The following FBXW10 variants were observed in gnomAD, a reference collection of about 807,000 sequenced individuals.
FBXW10 encodes the protein F-box and WD repeat domain containing 10, also known as F-box/WD repeat-containing protein 10.
FBXW10 carries 68 observed loss-of-function variants against 113.1 expected under a neutral mutation model. That is an observed-to-expected ratio of 0.60 (90% CI 0.49 to 0.74). The LOEUF (loss-of-function observed/expected upper bound fraction) is 0.74, where lower values mean the gene tolerates loss of function less well. FBXW10 is among the 30% of genes least tolerant of loss of function. The pLI is 0.00. For synonymous variants in FBXW10, 289 were observed against 481.6 expected, an observed-to-expected ratio of 0.60 and a Z score of 5.24; for missense variants, 753 against 1,284.5, an observed-to-expected ratio of 0.59 and a Z score of 6.32.
intron 7 of FBXW10, among the ~76,000 whole-genome samples, chr17:18,759,000 T>C (rs1013798653): frequency 1.3e-5 from 2 of 152,044 alleles, no homozygotes; most frequent in African/African-American, 4.8e-5. Context: ...ACCCCGTCTC[T>C]ACTAAACAAA....
At chr17:18,774,290 T>G (rs192197593) in intron 12 of FBXW10, among the ~76,000 whole-genome samples, 1 of 152,232 alleles carries the variant, frequency 6.6e-6, no homozygotes, top group East Asian at 1.9e-4. Context: ...GGAAAACAGC[T>G]GCGCTATGTG....
At chr17:18,762,718 G>T (rs112397760) in intron 7 of FBXW10, among the ~76,000 whole-genome samples, 13,274 of 152,172 alleles carry the variant, frequency 0.087, 669 homozygotes, top group African/African-American at 0.13. Flanking sequence ...GCAGGCAGTA[G>T]CAGTGAGAGT....
At chr17:18,768,728 G>C in intron 10 of FBXW10, 52 bp downstream of exon 10, 1 of 1,595,048 alleles carries the variant, frequency 6.3e-7, no homozygotes, top group Non-Finnish European at 8.6e-7. Context: ...TCCCTTCCCC[G>C]TCATAGCCTA....
At chr17:18,771,432 T>G (rs8073523) in intron 11 of FBXW10, among the ~76,000 whole-genome samples, 2 of 152,014 alleles carry the variant, frequency 1.3e-5, no homozygotes, top group Admixed American at 1.3e-4. Flanking sequence ...GGCAGTGCTG[T>G]GGGGGCACAG....
intron 7 of FBXW10, among the ~76,000 whole-genome samples, chr17:18,762,489 GT>G (rs1467801263): frequency 6.7e-6 from 1 of 148,910 alleles, no homozygotes; most frequent in Non-Finnish European, 1.5e-5. Context: ...GGCGGCTAAT[GT>G]TTTTTTGTAT....
chr17:18,760,578 C>A (rs1334996505), intron 7 of FBXW10, among the ~76,000 whole-genome samples: 3 of 152,128 alleles, frequency 2.0e-5, no homozygotes, highest in Non-Finnish European at 2.9e-5. Context: ...CTGAGGCAGG[C>A]GGATCATCTG....
intron 2 of FBXW10, among the ~76,000 whole-genome samples, chr17:18,748,825 T>C (rs564843453): frequency 6.6e-6 from 1 of 152,302 alleles, no homozygotes; most frequent in Non-Finnish European, 1.5e-5. Flanking sequence ...ATGGCTATTT[T>C]TGCAGTATTG....
chr17:18,744,117 C>T lies in FBXW10; in HGVS notation c.-128C>T, dbSNP rs1228341317. 2 of 1,489,432 alleles carry T rather than the reference C, an allele frequency of 1.3e-6. No individual in the cohort carries two copies. Among genetic ancestry groups the T allele is most frequent in the Admixed American group, 4.6e-5 (2 of 43,224 alleles). The allele number at this position is 1,489,432 out of a possible 1,614,324, so 92.3% of individuals were successfully genotyped here. ...CATCCATGGCAGCCATTTACTTTTG[C>T]TCTGGGAGACGTTTGTAATAGAAAA... On this transcript the variant is annotated 5_prime_UTR_variant, in exon 1 of 14. Transcript: ENST00000395665.
intron 13 of FBXW10, among the ~76,000 whole-genome samples, chr17:18,776,062 T>C (rs1453123076): frequency 6.6e-6 from 1 of 151,444 alleles, no homozygotes; most frequent in Non-Finnish European, 1.5e-5. Context: ...CTCACACCTG[T>C]AATCCCAGTA....
chr17:18,756,242 G>A, intron 6 of FBXW10, 88 bp downstream of exon 6: 1 of 1,240,028 alleles, frequency 8.1e-7, no homozygotes, highest in South Asian at 1.3e-5. Context: ...TTGTGTACAT[G>A]GAAAGGCAAG....
At chr17:18,759,684 C>T (rs552396019) in intron 7 of FBXW10, among the ~76,000 whole-genome samples, 256 of 151,688 alleles carry the variant, frequency 1.7e-3, no homozygotes, top group Middle Eastern at 3.4e-3. Context: ...GCCATGTTGG[C>T]TCACTGCAAG....
chr17:18,777,062 GTTT>G (rs368455869), intron 13 of FBXW10, among the ~76,000 whole-genome samples: 2 of 131,624 alleles, frequency 1.5e-5, no homozygotes, highest in African/African-American at 2.8e-5. Context: ...ATTTCACTCA[GTTT>G]TTTTTTTTTT....
chr17:18,763,918 A>G (rs376553619), intron 7 of FBXW10, among the ~76,000 whole-genome samples: 179 of 139,456 alleles, frequency 1.3e-3, no homozygotes, highest in African/African-American at 4.0e-3. Flanking sequence ...TCACTATTCC[A>G]GTGTTATCTC....
chr17:18,763,944 T>C (rs1331205223), intron 7 of FBXW10, among the ~76,000 whole-genome samples: 1 of 146,600 alleles, frequency 6.8e-6, no homozygotes, highest in Non-Finnish European at 1.5e-5. Context: ...GTGCAGGGTT[T>C]CTCAACCTTG....
chr17:18,745,047 C>G (rs2035013764), intron 1 of FBXW10: 1 of 1,301,394 alleles, frequency 7.7e-7, no homozygotes, highest in Non-Finnish European at 9.8e-7. Flanking sequence ...ATGGCTGGTC[C>G]CTGCCCCTGA....
intron 1 of FBXW10, among the ~76,000 whole-genome samples, chr17:18,745,677 G>C (rs2035027844): frequency 6.6e-6 from 1 of 152,184 alleles, no homozygotes; most frequent in Non-Finnish European, 1.5e-5. Context: ...GCCTCCCAAA[G>C]TGCTGGGATT....
At chr17:18,746,231 A>G (rs1245192464) in intron 1 of FBXW10, among the ~76,000 whole-genome samples, 1 of 152,210 alleles carries the variant, frequency 6.6e-6, no homozygotes, top group South Asian at 2.1e-4. Flanking sequence ...CCTTACTTCC[A>G]GCACTGGGGG....
rs1267670981 is a variant in FBXW10 at position 18,778,903 on chromosome 17, T to C, written c.2764T>C (p.Leu922=). 4.5e-5 allele frequency: 73 copies of C among 1,613,546 alleles called. No individual in the cohort carries two copies. Among genetic ancestry groups the C allele is most frequent in the Non-Finnish European group, 5.9e-5 (70 of 1,179,804 alleles). The stretch of plus-strand genomic sequence containing the variant: ...TATCCGCTCCAGGTTCTCTGGCAGC[T>C]TAAAGGGTGGAGACCAAGTGACCAG... ...MIIRSRFSGS[L]KGGDQVTSSI... Residue 922 remains leucine (L), a synonymous_variant, in exon 14 of 14, where the codon TTA becomes CTA. Transcript: ENST00000395665.
intron 5 of FBXW10, 35 bp from the exon 6 acceptor site, chr17:18,756,010 C>T: frequency 6.3e-7 from 1 of 1,595,236 alleles, no homozygotes; most frequent in Non-Finnish European, 8.6e-7. Flanking sequence ...TTTGAAGTTA[C>T]CACTGAGCTT....
Sources: allele counts gnomAD v4.1 joint callset (sites outside exome capture counted in the v4.1 genomes callset), GRCh38; gene constraint gnomAD v4.1.1; transcripts MANE v1.5; gene names NCBI Gene and HGNC (gene_info 2026-07-23, HGNC 2026-07-21).